The following PRSS23 variants were observed in gnomAD, a reference collection of about 807,000 sequenced individuals.
PRSS23 encodes the protein protease, serine 23.
PRSS23 carries 25 observed loss-of-function variants against 34.7 expected under a neutral mutation model. That is an observed-to-expected ratio of 0.72 (90% CI 0.53 to 1.01). The LOEUF is 1.01. Ranked by LOEUF, PRSS23 falls within the 50% of genes least tolerant of loss-of-function variation. PRSS23 has a pLI of 0.00. For missense variants in PRSS23, 445 were observed against 475.6 expected, an observed-to-expected ratio of 0.94 and a Z score of 0.60; for synonymous variants, 176 against 186.6, an observed-to-expected ratio of 0.94 and a Z score of 0.46.
chr11:86,945,229 A>T (rs1949232781), intron 2 of PRSS23, among the ~76,000 whole-genome samples: 1 of 151,946 alleles, frequency 6.6e-6, no homozygotes, highest in Non-Finnish European at 1.5e-5. Flanking sequence ...AATCTGAAGA[A>T]AAAAAAAGCC....
At chr11:86,843,836 C>A (rs1948466502) in intron 2 of PRSS23, among the ~76,000 whole-genome samples, 1 of 152,166 alleles carries the variant, frequency 6.6e-6, no homozygotes, top group African/African-American at 2.4e-5. Flanking sequence ...TTAGTTCAAC[C>A]ATTGTGGAAG....
rs184818700 is a variant in PRSS23, at chr11:86,823,703, G to C, written c.206+110G>C. On this transcript the variant is annotated intron_variant, in intron 2 of 2. Transcript: ENST00000533902. Reference sequence around the variant, plus strand: ...AACGGAGCAAAGCAATGTCACATTGGTTTCATCAAGAATTCAGAGCAGGCC... The same window carrying C: ...AACGGAGCAAAGCAATGTCACATTGCTTTCATCAAGAATTCAGAGCAGGCC... 3.0e-4 allele frequency: 200 copies of C among 658,814 alleles called. 2 individuals carry two copies. In the African/African-American group the frequency reaches 3.2e-3, roughly 10 times the overall value. 40.8% of individuals were successfully genotyped at this position (658,814 alleles called of 1,614,324 possible). A position where few individuals can be genotyped will look rare whatever the true frequency, so the allele number is the denominator to read the frequency against.
rs535109373 is a variant in PRSS23, at chr11:86,827,994, T to C, written c.206+4401T>C. Among the ~76,000 whole-genome samples the C allele has an allele frequency of 2.0e-5, 3 of 152,324 alleles. No homozygotes were observed. The South Asian group carries it at 6.2e-4, about 32-fold the overall frequency. Reference sequence around the variant, plus strand: ...TGTTGATTTGGGGTGGAGAGTTCTGTAGATGTCTATTAGGTCCACTTGGTG... The same window carrying C: ...TGTTGATTTGGGGTGGAGAGTTCTGCAGATGTCTATTAGGTCCACTTGGTG... On this transcript the variant is annotated intron_variant, in intron 2 of 2. Coordinates refer to the PRSS23 transcript ENST00000533902.
At chr11:86,895,508 GT>G (rs1565379829) in intron 2 of PRSS23, among the ~76,000 whole-genome samples, 1 of 133,346 alleles carries the variant, frequency 7.5e-6, no homozygotes, top group East Asian at 2.1e-4. Flanking sequence ...TTGAGATAGG[GT>G]CTCACTCTTG....
At position 86,884,032 on chromosome 11, in the gene PRSS23, C is replaced by T. The variant is rs78206425; in HGVS notation, c.206+60439C>T. On this transcript the variant is annotated intron_variant, in intron 2 of 2. Coordinates refer to the PRSS23 transcript ENST00000533902. The stretch of plus-strand genomic sequence containing the variant: ...ATTTACCCACTTCCCAAGACAGAAA[C>T]CCTGGAGATATCCCATATCATTAAT... 7.5e-3 allele frequency among the ~76,000 whole-genome samples: 1,138 copies of T among 152,248 alleles called. 14 individuals carry two copies. Among genetic ancestry groups the T allele is most frequent in the African/African-American group, 0.025 (1,045 of 41,544 alleles).
chr11:86,867,710 T>A (rs1375904850), intron 2 of PRSS23, among the ~76,000 whole-genome samples: 1 of 151,684 alleles, frequency 6.6e-6, no homozygotes, highest in Admixed American at 6.6e-5. Flanking sequence ...TGAGACCCTG[T>A]CTCTACAAAA....
chr11:86,886,629 T>A (rs1160409023), intron 2 of PRSS23, among the ~76,000 whole-genome samples: 1 of 152,208 alleles, frequency 6.6e-6, no homozygotes, highest in East Asian at 1.9e-4. Context: ...GAAGATTAAA[T>A]GTAATAGTCC....
chr11:86,911,626 T>G (rs893248098), intron 2 of PRSS23: 2 of 152,238 alleles, frequency 1.3e-5, no homozygotes, highest in Non-Finnish European at 2.9e-5. Context: ...ACCAGCTGCA[T>G]CCATGTGGCT....
intron 2 of PRSS23, among the ~76,000 whole-genome samples, chr11:86,823,867 G>A (rs1368083613): frequency 6.6e-6 from 1 of 150,678 alleles, no homozygotes. Context: ...TTAGCCGGGC[G>A]TGGTAGCGGG....
At chr11:86,838,514 G>T (rs1346440070) in intron 2 of PRSS23, among the ~76,000 whole-genome samples, 2 of 152,210 alleles carry the variant, frequency 1.3e-5, no homozygotes, top group Non-Finnish European at 2.9e-5. Context: ...AAGGCCTACT[G>T]CCTCTCTAGA....
At chr11:86,848,919 C>A (rs546212432) in intron 2 of PRSS23, among the ~76,000 whole-genome samples, 23 of 152,316 alleles carry the variant, frequency 1.5e-4, no homozygotes, top group African/African-American at 5.1e-4. Flanking sequence ...TGCAAGGACA[C>A]TTTAAAAAAG....
intron 2 of PRSS23, among the ~76,000 whole-genome samples, chr11:86,892,846 C>T (rs11602556): frequency 0.037 from 5,646 of 152,168 alleles, 131 homozygotes; most frequent in Non-Finnish European, 0.054. Context: ...TTTGAGACCT[C>T]TTCTCATAAT....
At position 86,943,812 on chromosome 11, in the gene PRSS23, C is replaced by T. The variant is rs192162061; in HGVS notation, c.207-7404C>T. On this transcript the variant is annotated intron_variant, in intron 2 of 2. Coordinates refer to the PRSS23 transcript ENST00000533902. ...AGGCTGAAGTGCAATGGCACGATCT[C>T]GGCTCATTGCAACCTCTGCCTCCCA... Among the ~76,000 whole-genome samples the T allele has an allele frequency of 7.1e-3, 1,076 of 151,818 alleles. 12 individuals are homozygous for T. The highest frequency in any genetic ancestry group is 0.025 in the African/African-American group (1,020 of 41,436).
chr11:86,919,826 G>C (rs775761289), intron 2 of PRSS23, among the ~76,000 whole-genome samples: 1 of 152,154 alleles, frequency 6.6e-6, no homozygotes, highest in Non-Finnish European at 1.5e-5. Context: ...CCAAGTTTAA[G>C]GGAGCCAAGG....
At chr11:86,937,515 C>G (rs1030439600) in intron 2 of PRSS23, 1 of 152,130 alleles carries the variant, frequency 6.6e-6, no homozygotes, top group Non-Finnish European at 1.5e-5. Context: ...TCATCAAGAC[C>G]TTGCTGATAA....
intron 2 of PRSS23, among the ~76,000 whole-genome samples, chr11:86,938,771 CCTCT>C (rs1802046768): frequency 6.6e-6 from 1 of 152,050 alleles, no homozygotes; most frequent in African/African-American, 2.4e-5. Context: ...GTGAGGGCAG[CCTCT>C]CTGAGATCCC....
chr11:86,833,822 A>G (rs1446170318), intron 2 of PRSS23, among the ~76,000 whole-genome samples: 1 of 152,046 alleles, frequency 6.6e-6, no homozygotes, highest in Non-Finnish European at 1.5e-5. Context: ...CCCCCTCTCA[A>G]CAGGAAAACC....
chr11:86,844,421 AT>A (rs200925577), intron 2 of PRSS23, among the ~76,000 whole-genome samples: 10 of 148,100 alleles, frequency 6.8e-5, no homozygotes, highest in Admixed American at 2.7e-4. Flanking sequence ...TAAAAAAAAA[AT>A]GGACATAACC....
intron 2 of PRSS23, among the ~76,000 whole-genome samples, chr11:86,873,438 C>A (rs988412370): frequency 2.0e-5 from 3 of 151,660 alleles, no homozygotes; most frequent in Admixed American, 1.3e-4. Flanking sequence ...ACCACCATGC[C>A]CAGCTCATTT....
Sources: gnomAD v4.1 joint callset for allele counts (sites outside exome capture counted in the v4.1 genomes callset) on GRCh38, gnomAD v4.1.1 for gene constraint, MANE v1.5 for transcripts, NCBI Gene and HGNC (gene_info 2026-07-23, HGNC 2026-07-21) for gene names.